MINDY4: variants seen among roughly 807,000 people sequenced by gnomAD.
MINDY4 encodes the protein MINDY lysine 48 deubiquitinase 4, also known as probable ubiquitin carboxyl-terminal hydrolase MINDY-4.
Under a neutral mutation model 87.0 loss-of-function variants are expected in MINDY4, and 68 were observed. The observed-to-expected ratio is 0.78, with a 90% CI of 0.64 to 0.96. The LOEUF (loss-of-function observed/expected upper bound fraction) is 0.96, where lower values mean the gene tolerates loss of function less well. Ranked by LOEUF, MINDY4 falls within the 40% of genes least tolerant of loss-of-function variation. The pLI, the probability that MINDY4 is intolerant of heterozygous loss-of-function variation, is 0.00. For missense variants in MINDY4, 919 were observed against 928.2 expected, an observed-to-expected ratio of 0.99 and a Z score of 0.13; for synonymous variants, 379 against 363.2, an observed-to-expected ratio of 1.04 and a Z score of -0.50.
chr7:30,785,688 T>G (rs1226125460), intron 3 of MINDY4, 61 bp from the exon 4 acceptor site: 2 of 1,587,460 alleles, frequency 1.3e-6, no homozygotes, highest in African/African-American at 2.7e-5. Flanking sequence ...TGGAATTTGC[T>G]ATCTTTGTTA....
At chr7:30,861,495 G>GC (rs1789766875) in intron 13 of MINDY4, among the ~76,000 whole-genome samples, 1 of 152,250 alleles carries the variant, frequency 6.6e-6, no homozygotes, top group African/African-American at 2.4e-5. Context: ...GTGGCCTTGG[G>GC]CCCCACCCAG....
intron 5 of MINDY4, among the ~76,000 whole-genome samples, chr7:30,821,269 T>C (rs1286917709): frequency 1.3e-5 from 2 of 152,206 alleles, no homozygotes; most frequent in East Asian, 3.8e-4. Flanking sequence ...TTCTTCCTGA[T>C]ATGAGTCCTT....
intron 3 of MINDY4, 144 bp downstream of exon 3, chr7:30,782,356 G>A: frequency 3.1e-6 from 2 of 654,476 alleles, no homozygotes; most frequent in Non-Finnish European, 5.2e-6. Context: ...GTGTGTGTGT[G>A]TGTGTGTGTG....
intron 9 of MINDY4, among the ~76,000 whole-genome samples, chr7:30,848,380 G>A (rs1481860620): frequency 2.0e-5 from 3 of 152,232 alleles, no homozygotes; most frequent in African/African-American, 7.2e-5. Flanking sequence ...GAACACCCTG[G>A]CCTGGGCCAC....
chr7:30,774,957 G>T (rs1786763724), intron 1 of MINDY4, among the ~76,000 whole-genome samples: 1 of 151,960 alleles, frequency 6.6e-6, no homozygotes. Context: ...CTCTAGCTGA[G>T]ACCTCTCCTT....
At chr7:30,853,981 C>A (rs61538937) in intron 12 of MINDY4, among the ~76,000 whole-genome samples, 4,816 of 152,178 alleles carry the variant, frequency 0.032, 283 homozygotes, top group African/African-American at 0.11. Flanking sequence ...CTGGAGCCCC[C>A]CCGCCTGCCA....
intron 17 of MINDY4, among the ~76,000 whole-genome samples, chr7:30,886,765 G>A (rs1372082903): frequency 1.3e-5 from 2 of 152,194 alleles, no homozygotes; most frequent in Admixed American, 6.5e-5. Context: ...TCTGCGCTTT[G>A]CTGTGACGCA....
At chr7:30,781,661 GA>G in intron 2 of MINDY4, 1 of 269,620 alleles carries the variant, frequency 3.7e-6, no homozygotes, top group Non-Finnish European at 6.9e-6. Flanking sequence ...TTATTCCTTG[GA>G]GCAAAAAATG....
intron 5 of MINDY4, among the ~76,000 whole-genome samples, chr7:30,823,303 G>A (rs1481262450): frequency 1.3e-5 from 2 of 152,082 alleles, no homozygotes; most frequent in Non-Finnish European, 2.9e-5. Flanking sequence ...CAGTTGTATT[G>A]GCATCTACTG....
intron 12 of MINDY4, among the ~76,000 whole-genome samples, chr7:30,855,805 C>G (rs1789551867): frequency 1.3e-5 from 2 of 152,256 alleles, no homozygotes. Flanking sequence ...GCCTCCTCGC[C>G]TGGCTTTGGT....
intron 12 of MINDY4, among the ~76,000 whole-genome samples, chr7:30,855,794 C>T (rs531873541): frequency 6.6e-6 from 1 of 152,356 alleles, no homozygotes; most frequent in African/African-American, 2.4e-5. Context: ...TCAAAGCAGT[C>T]GCCTCCTCGC....
At chr7:30,860,803 C>T (rs2128574542) in intron 13 of MINDY4, among the ~76,000 whole-genome samples, 1 of 152,272 alleles carries the variant, frequency 6.6e-6, no homozygotes, top group Middle Eastern at 3.4e-3. Context: ...AGCTGGGGGA[C>T]TAGGGCTGCT....
chr7:30,808,462 G>A (rs1787884550), intron 5 of MINDY4, among the ~76,000 whole-genome samples: 2 of 152,084 alleles, frequency 1.3e-5, no homozygotes, highest in Non-Finnish European at 1.5e-5. Flanking sequence ...GTGTGTGTGT[G>A]GGTGCCCTTT....
intron 13 of MINDY4, among the ~76,000 whole-genome samples, chr7:30,869,235 C>T (rs946964805): frequency 2.0e-5 from 3 of 152,220 alleles, no homozygotes; most frequent in Non-Finnish European, 4.4e-5. Flanking sequence ...GGGACAGTCA[C>T]AGCTGTGGCT....
At chr7:30,793,379 AT>A (rs1193729785) in intron 5 of MINDY4, among the ~76,000 whole-genome samples, 2 of 142,868 alleles carry the variant, frequency 1.4e-5, no homozygotes, top group Non-Finnish European at 3.1e-5. Context: ...GGTATGTTAA[AT>A]TTTTTTTTCT....
At chr7:30,820,843 T>C (rs1230075463) in intron 5 of MINDY4, among the ~76,000 whole-genome samples, 1 of 152,246 alleles carries the variant, frequency 6.6e-6, no homozygotes, top group Non-Finnish European at 1.5e-5. Context: ...TTTTCAGTTC[T>C]TTGGGGGTGC....
At chr7:30,850,334 GCAGGC>G in intron 9 of MINDY4, 115 bp from the exon 10 acceptor site, 1 of 927,486 alleles carries the variant, frequency 1.1e-6, no homozygotes, top group East Asian at 2.7e-5. Context: ...TGGCCCCTCT[GCAGGC>G]CAGAGAAAGA....
intron 15 of MINDY4, among the ~76,000 whole-genome samples, chr7:30,879,756 A>G (rs537828688): frequency 5.3e-5 from 8 of 152,300 alleles, no homozygotes; most frequent in East Asian, 3.9e-4. Flanking sequence ...TACCTTGTCA[A>G]TCACCATCAG....
chr7:30,857,655 G>T (rs1789619526), intron 12 of MINDY4: 1 of 72,680 alleles, frequency 1.4e-5, no homozygotes, highest in Non-Finnish European at 2.3e-5. Flanking sequence ...TGTATTTTTA[G>T]TAGAGACGGG....
Sources: gnomAD v4.1 joint callset for allele counts (sites outside exome capture counted in the v4.1 genomes callset) on GRCh38, gnomAD v4.1.1 for gene constraint, MANE v1.5 for transcripts, NCBI Gene and HGNC (gene_info 2026-07-23, HGNC 2026-07-21) for gene names.